CNBD1: variants seen among roughly 807,000 people sequenced by gnomAD.
The protein encoded by CNBD1 is cyclic nucleotide binding domain containing 1.
Under a neutral mutation model 54.4 loss-of-function variants are expected in CNBD1, and 71 were observed. That is an observed-to-expected ratio of 1.30 (90% CI 1.08 to 1.59). CNBD1 has a LOEUF of 1.59. CNBD1 is among the 40% of genes most tolerant of loss of function. CNBD1 has a pLI of 0.00. For synonymous variants in CNBD1, 182 were observed against 170.7 expected (o/e 1.07, Z -0.51); for missense variants, 659 against 518.0 (o/e 1.27, Z -2.64).
intron 8 of CNBD1, among the ~76,000 whole-genome samples, chr8:87,330,117 A>C (rs1809789985): frequency 1.3e-5 from 2 of 151,650 alleles, no homozygotes; most frequent in Admixed American, 6.6e-5. Context: ...AGATGGTCAA[A>C]TTTGTGGGCA....
intron 4 of CNBD1, among the ~76,000 whole-genome samples, chr8:86,962,383 T>G (rs1807953173): frequency 6.6e-6 from 1 of 152,232 alleles, no homozygotes; most frequent in African/African-American, 2.4e-5. Context: ...AAAGTCATTT[T>G]AAATCTCTTA....
At chr8:87,274,238 C>A (rs1808429088) in intron 6 of CNBD1, among the ~76,000 whole-genome samples, 1 of 150,626 alleles carries the variant, frequency 6.6e-6, no homozygotes, top group Non-Finnish European at 1.5e-5. Context: ...CATACGTGTG[C>A]ATGTGTCTTT....
chr8:87,344,001 T>G (rs71504319), intron 8 of CNBD1, among the ~76,000 whole-genome samples: 19,228 of 152,102 alleles, frequency 0.13, 1,596 homozygotes, highest in Middle Eastern at 0.2. Context: ...TTTGCTTAGG[T>G]TTTGATTTGA....
At chr8:87,222,942 T>G (rs1428782183) in intron 5 of CNBD1, among the ~76,000 whole-genome samples, 1 of 152,152 alleles carries the variant, frequency 6.6e-6, no homozygotes, top group Admixed American at 6.5e-5. Flanking sequence ...ATAAATACTT[T>G]TATGAAACTT....
At chr8:86,970,419 A>C (rs1372285075) in intron 4 of CNBD1, among the ~76,000 whole-genome samples, 1 of 151,936 alleles carries the variant, frequency 6.6e-6, no homozygotes, top group Non-Finnish European at 1.5e-5. Context: ...TTTAGCTAGG[A>C]CTTATCTGGT....
At chr8:87,106,990 G>A (rs1192626440) in intron 4 of CNBD1, among the ~76,000 whole-genome samples, 1 of 151,938 alleles carries the variant, frequency 6.6e-6, no homozygotes, top group East Asian at 1.9e-4. Context: ...CACCGTGCCC[G>A]GCTAATTTTT....
chr8:87,116,693 A>T (rs1811777664), intron 4 of CNBD1, among the ~76,000 whole-genome samples: 1 of 152,170 alleles, frequency 6.6e-6, no homozygotes, highest in Non-Finnish European at 1.5e-5. Flanking sequence ...TCAGTAAATG[A>T]CATTAATCTG....
chr8:87,200,466 A>C (rs191861605), intron 4 of CNBD1, among the ~76,000 whole-genome samples: 1 of 152,286 alleles, frequency 6.6e-6, no homozygotes, highest in African/African-American at 2.4e-5. Context: ...ATGAATAAGA[A>C]AAAACAATTA....
chr8:87,213,268 T>C (rs901355082), intron 5 of CNBD1, among the ~76,000 whole-genome samples: 14 of 152,222 alleles, frequency 9.2e-5, no homozygotes, highest in Admixed American at 7.9e-4. Flanking sequence ...GAAGCCACTT[T>C]GTAAAACACT....
At chr8:87,019,633 T>C (rs1316168401) in intron 4 of CNBD1, among the ~76,000 whole-genome samples, 1 of 152,126 alleles carries the variant, frequency 6.6e-6, no homozygotes, top group Non-Finnish European at 1.5e-5. Flanking sequence ...ATCCCAGCAC[T>C]TTGGGAGGCC....
chr8:87,314,130 A>C (rs955914559), intron 8 of CNBD1, among the ~76,000 whole-genome samples: 1 of 151,926 alleles, frequency 6.6e-6, no homozygotes, highest in Non-Finnish European at 1.5e-5. Flanking sequence ...ATTCAGTATA[A>C]TATGGGAGCT....
chr8:87,139,052 C>G (rs995971134), intron 4 of CNBD1, among the ~76,000 whole-genome samples: 2 of 152,116 alleles, frequency 1.3e-5, no homozygotes, highest in African/African-American at 4.8e-5. Flanking sequence ...CCTCTTTTGT[C>G]GTAATTTTTC....
intron 4 of CNBD1, among the ~76,000 whole-genome samples, chr8:86,940,488 A>C (rs556892465): frequency 6.6e-6 from 1 of 152,180 alleles, no homozygotes; most frequent in East Asian, 1.9e-4. Flanking sequence ...ATTTTCTAGA[A>C]TACTTTGTGC....
chr8:87,265,815 CAGA>C (rs1369959637), intron 6 of CNBD1, among the ~76,000 whole-genome samples: 15 of 152,068 alleles, frequency 9.9e-5, no homozygotes, highest in Non-Finnish European at 2.1e-4. Flanking sequence ...TTGTCTATTA[CAGA>C]AGAAGTTTGC....
In CNBD1 at chr8:87,339,851, G is replaced by T. The variant is rs568819497; in HGVS notation, c.1043-11834G>T. Among the ~76,000 whole-genome samples the T allele has an allele frequency of 7.9e-5, 12 of 152,030 alleles. No homozygotes were observed. The South Asian group carries it at 2.5e-3, about 32-fold the overall frequency. On this transcript the variant is annotated intron_variant, in intron 8 of 10. Transcript: ENST00000518476. ...TTACTGATGCTGTTTATTTATTAAC[G>T]TATTTCTATAATTATAATTTTTATT... is the stretch of plus-strand genomic sequence containing the variant.
intron 10 of CNBD1, among the ~76,000 whole-genome samples, chr8:87,369,470 T>A (rs1279871551): frequency 6.6e-6 from 1 of 152,118 alleles, no homozygotes; most frequent in East Asian, 1.9e-4. Flanking sequence ...TCTGAAGATC[T>A]TATTTCTCAT....
intron 8 of CNBD1, among the ~76,000 whole-genome samples, chr8:87,308,584 TTG>T (rs924213219): frequency 2.0e-5 from 3 of 152,200 alleles, no homozygotes; most frequent in African/African-American, 7.2e-5. Flanking sequence ...TGTTATTTCT[TTG>T]TGTTAGAAAC....
At chr8:86,870,867 GA>G (rs1808434192) in intron 1 of CNBD1, among the ~76,000 whole-genome samples, 1 of 152,066 alleles carries the variant, frequency 6.6e-6, no homozygotes. Context: ...TAAAAGGTGG[GA>G]AAAAGGTTGA....
chr8:86,881,075 G>A (rs923787388), intron 1 of CNBD1, among the ~76,000 whole-genome samples: 3 of 152,150 alleles, frequency 2.0e-5, no homozygotes, highest in Non-Finnish European at 4.4e-5. Flanking sequence ...ACATCATACT[G>A]AATGGGCAAA....
Sources: gnomAD v4.1 joint callset for allele counts (sites outside exome capture counted in the v4.1 genomes callset) on GRCh38, gnomAD v4.1.1 for gene constraint, MANE v1.5 for transcripts, NCBI Gene and HGNC (gene_info 2026-07-23, HGNC 2026-07-21) for gene names.